Variants in CFAP53 observed in about 807,000 individuals in gnomAD.
CFAP53 encodes the protein cilia and flagella associated protein 53.
In CFAP53, 62 loss-of-function variants were observed where a neutral mutation model predicts 59.7. That is an observed-to-expected ratio of 1.04 (90% CI 0.85 to 1.28). The LOEUF (loss-of-function observed/expected upper bound fraction) is 1.28, where lower values mean the gene tolerates loss of function less well. CFAP53 is among the 50% of genes most tolerant of loss of function. The pLI, the probability that CFAP53 is intolerant of heterozygous loss-of-function variation, is 0.00. For missense variants in CFAP53, 629 were observed against 615.6 expected, an observed-to-expected ratio of 1.02 and a Z score of -0.23; for synonymous variants, 218 against 205.7, an observed-to-expected ratio of 1.06 and a Z score of -0.51.
At chr18:50,237,722 G>A (rs923075590) in intron 7 of CFAP53, among the ~76,000 whole-genome samples, 1 of 152,074 alleles carries the variant, frequency 6.6e-6, no homozygotes, top group African/African-American at 2.4e-5. Context: ...ACTGCAGGGA[G>A]GTAGCTGCCT....
chr18:50,230,546 T>C (rs1333740047), intron 7 of CFAP53, among the ~76,000 whole-genome samples: 1 of 152,232 alleles, frequency 6.6e-6, no homozygotes, highest in Non-Finnish European at 1.5e-5. Context: ...AAGTCAAATG[T>C]GTTCCTGATT....
rs529839618 is a variant in CFAP53 at position 50,245,264 on chromosome 18, C to G, written c.997-2148G>C. ...AGGCGCGGTGGTGGGCGCCTGTAGT[C>G]CCAGCTACTCGGGAGGCTGAGGCAG... is the stretch of plus-strand genomic sequence containing the variant. On this transcript the variant is annotated intron_variant, in intron 5 of 7. Transcript: ENST00000398545. Among the ~76,000 whole-genome samples, 316 of 150,838 alleles carry G rather than the reference C, an allele frequency of 2.1e-3. 1 individual carries two copies. Among genetic ancestry groups the G allele is most frequent in the African/African-American group, 7.3e-3 (303 of 41,244 alleles).
chr18:50,260,402 C>G (rs2033879696), intron 3 of CFAP53, among the ~76,000 whole-genome samples: 1 of 152,102 alleles, frequency 6.6e-6, no homozygotes. Context: ...TGGCTCATGC[C>G]TGTAATCCTA....
At chr18:50,259,204 T>C (rs185470528) in intron 3 of CFAP53, among the ~76,000 whole-genome samples, 2 of 152,288 alleles carry the variant, frequency 1.3e-5, no homozygotes, top group African/African-American at 4.8e-5. Context: ...GCAACCTAAG[T>C]GTCCATCAAC....
chr18:50,233,040 T>C (rs946769685), intron 7 of CFAP53, among the ~76,000 whole-genome samples: 1 of 152,220 alleles, frequency 6.6e-6, no homozygotes, highest in East Asian at 1.9e-4. Flanking sequence ...CAAGAAAAAG[T>C]CAGAGCTCAA....
At chr18:50,251,438 C>G (rs1322459424) in intron 4 of CFAP53, 43 bp downstream of exon 4, 1 of 1,544,350 alleles carries the variant, frequency 6.5e-7, no homozygotes, top group Non-Finnish European at 8.8e-7. Context: ...TGTACTACAC[C>G]CATGGCGTTG....
chr18:50,232,457 T>C (rs1190726290), intron 7 of CFAP53, among the ~76,000 whole-genome samples: 1 of 152,002 alleles, frequency 6.6e-6, no homozygotes, highest in Non-Finnish European at 1.5e-5. Context: ...CCCCTCCAGG[T>C]TTCCCTAAAA....
chr18:50,264,227 A>T (rs2033917782), intron 1 of CFAP53, among the ~76,000 whole-genome samples: 1 of 152,212 alleles, frequency 6.6e-6, no homozygotes, highest in Admixed American at 6.5e-5. Context: ...AAACCATGCT[A>T]AAGTCAGGAA....
In CFAP53 at chr18:50,250,749, A is replaced by T; in HGVS notation, c.996+9T>A. On this transcript the variant is annotated intron_variant, in intron 5 of 7. Coordinates refer to ENST00000398545, the MANE Select transcript of CFAP53 (RefSeq NM_145020.5). ...CCAGCAGGTAGCAGGCACCAAAAAA[A>T]TGTCTTACTCTTTTTTGTTTCTTTT... 6.2e-7 allele frequency: 1 copy of T among 1,610,806 alleles called. No individual in the cohort carries two copies. The highest frequency in any genetic ancestry group is 8.5e-7 in the Non-Finnish European group (1 of 1,177,202).
At chr18:50,235,495 G>A (rs895467094) in intron 7 of CFAP53, among the ~76,000 whole-genome samples, 2 of 152,154 alleles carry the variant, frequency 1.3e-5, no homozygotes, top group African/African-American at 4.8e-5. Context: ...TGAACCTGGG[G>A]AGGCAGAGGT....
At chr18:50,236,398 C>A (rs779360462) in intron 7 of CFAP53, among the ~76,000 whole-genome samples, 5 of 152,178 alleles carry the variant, frequency 3.3e-5, no homozygotes, top group Non-Finnish European at 7.4e-5. Context: ...CCTCTACTAC[C>A]CTGTCAAGAG....
chr18:50,261,252 C>CAAAAAAAAAAAAAAAA lies in CFAP53; in HGVS notation c.300-31_300-16dup, dbSNP rs71169499. ...GCTCACGTAGCCTGAAACAAAAAGC[C>CAAAAAAAAAAAAAAAA]AAAAAAAAAAAAAAAAAAAGAAAAC... On this transcript the variant is annotated splice_polypyrimidine_tract_variant and intron_variant, in intron 2 of 7. Coordinates refer to ENST00000398545, the MANE Select transcript of CFAP53 (RefSeq NM_145020.5). 4.1e-6 allele frequency: 5 copies of CAAAAAAAAAAAAAAAA among 1,215,712 alleles called. No homozygotes were observed. In the African/African-American group the frequency reaches 5.7e-5, roughly 14 times the overall value. 75.3% of individuals were successfully genotyped at this position (1,215,712 alleles called of 1,614,324 possible). A position where few individuals can be genotyped will look rare whatever the true frequency, so the allele number is the denominator to read the frequency against.
rs1423878115 is a variant in CFAP53 at position 50,245,080 on chromosome 18, A to C, written c.997-1964T>G. On this transcript the variant is annotated intron_variant, in intron 5 of 7. Transcript: ENST00000398545. ...TCTATCTCAAAAAAAAAAAAAAAAA[A>C]AAAACTATTAAAACTAATAAGGCTG... 1.2e-3 allele frequency among the ~76,000 whole-genome samples: 182 copies of C among 150,936 alleles called. 4 individuals carry two copies. Among genetic ancestry groups the C allele is most frequent in the African/African-American group, 4.2e-3 (175 of 41,238 alleles).
intron 7 of CFAP53, among the ~76,000 whole-genome samples, chr18:50,232,008 C>T (rs1194265961): frequency 6.6e-6 from 1 of 152,214 alleles, no homozygotes; most frequent in African/African-American, 2.4e-5. Context: ...AGCATAAGGC[C>T]CCTGAGTGGC....
rs1568156729 is a variant in CFAP53, at chr18:50,251,364, T to G, written c.777+117A>C. 4 of 891,470 alleles carry G rather than the reference T, an allele frequency of 4.5e-6. No homozygotes were observed. In the East Asian group the frequency reaches 9.8e-5, roughly 22 times the overall value. The allele number at this position is 891,470 out of a possible 1,614,324, so 55.2% of individuals were successfully genotyped here. On this transcript the variant is annotated intron_variant, in intron 4 of 7. Transcript: ENST00000398545. ...TTAAACAGCACTAAGAGTCCAAAAATGGAAATGTGCCTGTGAACTAGCCCA... is the reference window on the plus strand; with the variant it reads ...TTAAACAGCACTAAGAGTCCAAAAAGGGAAATGTGCCTGTGAACTAGCCCA...
chr18:50,237,477 G>A (rs1336308253), intron 7 of CFAP53, among the ~76,000 whole-genome samples: 1 of 150,008 alleles, frequency 6.7e-6, no homozygotes, highest in East Asian at 2.0e-4. Context: ...TAGGCCAGAT[G>A]TTGTTGTTTG....
At position 50,243,178 on chromosome 18, in the gene CFAP53, AT is replaced by A; in HGVS notation, c.997-63del. 4 of 1,166,530 alleles carry A rather than the reference AT, an allele frequency of 3.4e-6. No individual in the cohort carries two copies. In the South Asian group the frequency reaches 5.3e-5, roughly 15 times the overall value. 72.3% of individuals were successfully genotyped at this position (1,166,530 alleles called of 1,614,324 possible). ...TGGTGTGATACTATAGTAAGGATAC[AT>A]TTAAAAAAAATCTTTAAAAGCTCCA... On this transcript the variant is annotated intron_variant, in intron 5 of 7. Transcript: ENST00000398545.
At chr18:50,266,300 A>C in intron 1 of CFAP53, 36 bp downstream of exon 1, 2 of 1,607,084 alleles carry the variant, frequency 1.2e-6, no homozygotes, top group Non-Finnish European at 1.7e-6. Context: ...GAGATGGAGA[A>C]AGCTGTAGGG....
intron 5 of CFAP53, among the ~76,000 whole-genome samples, chr18:50,249,601 G>T (rs918795386): frequency 2.0e-5 from 3 of 152,112 alleles, no homozygotes; most frequent in African/African-American, 7.2e-5. Context: ...TGAGGGTTAT[G>T]CTAAGTGAAA....
Sources: allele counts gnomAD v4.1 joint callset (sites outside exome capture counted in the v4.1 genomes callset), GRCh38; gene constraint gnomAD v4.1.1; transcripts MANE v1.5; gene names NCBI Gene and HGNC (gene_info 2026-07-23, HGNC 2026-07-21).